Variants in DAB2IP observed in about 807,000 individuals in gnomAD.
The protein encoded by DAB2IP is disabled homolog 2-interacting protein.
In DAB2IP, 28 loss-of-function variants were observed where a neutral mutation model predicts 107.2. That is an observed-to-expected ratio of 0.26 (90% CI 0.19 to 0.36). The LOEUF (loss-of-function observed/expected upper bound fraction) is 0.36. Among genes scored for constraint, DAB2IP ranks in the 10% least tolerant of loss-of-function variants. The pLI is 1.00. For missense variants in DAB2IP, 1,400 were observed against 1,644.7 expected (o/e 0.85, Z 2.57); for synonymous variants, 755 against 706.4 (o/e 1.07, Z -1.09).
At chr9:121,759,091 A>G in intron 5 of DAB2IP, 95 bp downstream of exon 5, 2 of 1,308,878 alleles carry the variant, frequency 1.5e-6, no homozygotes, top group Non-Finnish European at 2.2e-6. Flanking sequence ...GTGGGCTGGG[A>G]TTGGGGGTGG....
intron 1 of DAB2IP, among the ~76,000 whole-genome samples, chr9:121,631,118 A>T (rs1831863597): frequency 6.6e-6 from 1 of 152,084 alleles, no homozygotes; most frequent in Non-Finnish European, 1.5e-5. Context: ...TGCTCTTTGT[A>T]CCCATCTCTG....
chr9:121,655,172 C>T (rs1376831745), intron 1 of DAB2IP, among the ~76,000 whole-genome samples: 1 of 152,202 alleles, frequency 6.6e-6, no homozygotes, highest in East Asian at 1.9e-4. Context: ...CAGTGACCTT[C>T]GGAGGGTGAG....
intron 1 of DAB2IP, among the ~76,000 whole-genome samples, chr9:121,642,668 C>A (rs1205544499): frequency 6.6e-6 from 1 of 150,608 alleles, no homozygotes. Flanking sequence ...TCCCTTCATG[C>A]ACCTCGTTCA....
intron 1 of DAB2IP, among the ~76,000 whole-genome samples, chr9:121,626,424 CTT>C (rs59085032): frequency 1.8e-3 from 203 of 114,472 alleles, no homozygotes; most frequent in Non-Finnish European, 1.9e-3. Context: ...GACGAGAAAC[CTT>C]TTTTTTTTTT....
At chr9:121,636,627 G>A (rs1832097823) in intron 1 of DAB2IP, among the ~76,000 whole-genome samples, 1 of 152,220 alleles carries the variant, frequency 6.6e-6, no homozygotes, top group Non-Finnish European at 1.5e-5. Context: ...TGGCTGGTAC[G>A]AGAGTGAGGT....
exon 16 of DAB2IP, chr9:121,783,431 C>T (rs150643197): frequency 1.2e-6 from 2 of 1,608,342 alleles, no homozygotes; most frequent in Non-Finnish European, 1.7e-6. Context: ...GGTGCTCACC[C>T]TGAAAGAAAA....
intron 1 of DAB2IP, among the ~76,000 whole-genome samples, chr9:121,619,471 A>C (rs1831387517): frequency 6.6e-6 from 1 of 152,242 alleles, no homozygotes; most frequent in East Asian, 1.9e-4. Context: ...CTGTGACAAG[A>C]GTGAGCTGCA....
intron 1 of DAB2IP, among the ~76,000 whole-genome samples, chr9:121,572,318 T>C (rs1332956631): frequency 6.6e-6 from 1 of 152,136 alleles, no homozygotes; most frequent in Non-Finnish European, 1.5e-5. Flanking sequence ...GGGCAGGGGC[T>C]GTATCTTGTC....
chr9:121,576,389 C>T (rs1042291753), intron 1 of DAB2IP, among the ~76,000 whole-genome samples: 17 of 152,008 alleles, frequency 1.1e-4, no homozygotes, highest in African/African-American at 3.9e-4. Context: ...TTGCTCTTAC[C>T]GCTGCCTGAA....
intron 1 of DAB2IP, among the ~76,000 whole-genome samples, chr9:121,665,567 G>T (rs1833382599): frequency 6.6e-6 from 1 of 152,122 alleles, no homozygotes; most frequent in Non-Finnish European, 1.5e-5. Context: ...TATACTAAAG[G>T]TAAAATACAC....
At chr9:121,602,312 C>T (rs1254837725) in intron 1 of DAB2IP, among the ~76,000 whole-genome samples, 2 of 152,152 alleles carry the variant, frequency 1.3e-5, no homozygotes, top group African/African-American at 4.8e-5. Context: ...AGTGGATGTA[C>T]TTGCGGGCAG....
At chr9:121,606,356 T>C (rs112605442) in intron 1 of DAB2IP, among the ~76,000 whole-genome samples, 3 of 146,614 alleles carry the variant, frequency 2.0e-5, no homozygotes, top group African/African-American at 7.3e-5. Flanking sequence ...AGAGTGAGAT[T>C]CTGTCTCAAT....
chr9:121,772,507 C>G lies in DAB2IP; in HGVS notation c.2079-100C>G, dbSNP rs988322281. The G allele has an allele frequency of 7.4e-6, 10 of 1,353,928 alleles. No homozygotes were observed. In the African/African-American group the frequency reaches 1.2e-4, roughly 16 times the overall value. 83.9% of individuals were successfully genotyped at this position (1,353,928 alleles called of 1,614,324 possible). A position where few individuals can be genotyped will look rare whatever the true frequency, so the allele number is the denominator to read the frequency against. On this transcript the variant is annotated intron_variant, in intron 11 of 15. Coordinates refer to ENST00000408936, the Ensembl canonical transcript of DAB2IP. This position sits in a 1 kb window ranked among gnomAD's most constrained non-coding sequence, Gnocchi z 4.7. ...CCAGCGCTGGCTCAGGCTGCCAGGC[C>G]CCGGCAGGTTGGCGGGTGCTGTCGG...
chr9:121,642,615 TA>T (rs397893249), intron 1 of DAB2IP, among the ~76,000 whole-genome samples: 43,718 of 123,914 alleles, frequency 0.35, 7,373 homozygotes, highest in East Asian at 0.46. Context: ...TCTTTTCTAT[TA>T]AAAAAAAAAA....
At chr9:121,723,775 G>A (rs781722597) in intron 3 of DAB2IP, among the ~76,000 whole-genome samples, 40 of 152,208 alleles carry the variant, frequency 2.6e-4, no homozygotes, top group Non-Finnish European at 4.6e-4. Flanking sequence ...GGGGTAGGGC[G>A]GAGAGGAGGG....
In DAB2IP at chr9:121,782,544, G is replaced by A. The variant is rs1216114795; in HGVS notation, c.*46G>A. On this transcript the variant is annotated 3_prime_UTR_variant, in exon 16 of 16. Coordinates refer to ENST00000408936, the Ensembl canonical transcript of DAB2IP. This position sits in a 1 kb window ranked among gnomAD's most constrained non-coding sequence, Gnocchi z 6.1. ...GCTACCCAAGGAGAGGGGGACTATG[G>A]TGGCCAAGGGCAGGGTCTCGGCCTG... 5 of 1,599,402 alleles carry A rather than the reference G, an allele frequency of 3.1e-6. No individual in the cohort carries two copies. In the South Asian group the frequency reaches 3.3e-5, roughly 11 times the overall value.
At chr9:121,726,612 T>A (rs192328713) in intron 3 of DAB2IP, among the ~76,000 whole-genome samples, 17 of 152,258 alleles carry the variant, frequency 1.1e-4, no homozygotes, top group African/African-American at 4.1e-4. Flanking sequence ...AGGTAGATAA[T>A]GTCAAAATGG....
intron 1 of DAB2IP, among the ~76,000 whole-genome samples, chr9:121,669,175 G>A (rs1365511662): frequency 2.6e-5 from 4 of 151,934 alleles, no homozygotes; most frequent in Non-Finnish European, 5.9e-5. Flanking sequence ...CAAGCAATCC[G>A]CCCACCTTGG....
At chr9:121,605,059 G>A (rs1830821735) in intron 1 of DAB2IP, among the ~76,000 whole-genome samples, 1 of 152,204 alleles carries the variant, frequency 6.6e-6, no homozygotes, top group South Asian at 2.1e-4. Context: ...TCCTTCTGTC[G>A]CCCAGGCTGG....
Sources: allele counts gnomAD v4.1 joint callset (sites outside exome capture counted in the v4.1 genomes callset), GRCh38; gene constraint gnomAD v4.1.1; non-coding constraint Gnocchi (gnomAD v3.1); transcripts MANE v1.5; gene names NCBI Gene and HGNC (gene_info 2026-07-23, HGNC 2026-07-21).